The following GPR155 variants were observed in gnomAD, a reference collection of about 807,000 sequenced individuals.
GPR155 encodes lysosomal cholesterol signaling protein.
In GPR155, 65 loss-of-function variants were observed where a neutral mutation model predicts 93.1. That is an observed-to-expected ratio of 0.70 (90% CI 0.57 to 0.86). GPR155 has a LOEUF of 0.86. Among genes scored for constraint, GPR155 ranks in the 40% least tolerant of loss-of-function variants. GPR155 has a pLI of 0.00. For missense variants in GPR155, 838 were observed against 1,034.8 expected (o/e 0.81, Z 2.61); for synonymous variants, 319 against 360.1 (o/e 0.89, Z 1.29).
intron 10 of GPR155, among the ~76,000 whole-genome samples, chr2:174,458,415 C>A (rs970813805): frequency 5.3e-5 from 8 of 152,116 alleles, no homozygotes; most frequent in Non-Finnish European, 1.2e-4. Flanking sequence ...CATTATCTTC[C>A]CCTACATATT....
At chr2:174,477,837 T>C (rs969826312) in intron 2 of GPR155, among the ~76,000 whole-genome samples, 3 of 152,226 alleles carry the variant, frequency 2.0e-5, no homozygotes, top group Admixed American at 6.5e-5. Flanking sequence ...GGAGTTATTA[T>C]ATAGCTTTGA....
At chr2:174,442,063 A>G in intron 14 of GPR155, 56 bp downstream of exon 14, 3 of 921,862 alleles carry the variant, frequency 3.3e-6, no homozygotes, top group South Asian at 1.3e-5. Context: ...GTATCTTAAT[A>G]TAATGGCTTT....
intron 12 of GPR155, among the ~76,000 whole-genome samples, chr2:174,445,683 A>G (rs1465020790): frequency 6.6e-6 from 1 of 152,184 alleles, no homozygotes; most frequent in African/African-American, 2.4e-5. Flanking sequence ...CACTTGAACC[A>G]TCTCAAAGAA....
chr2:174,471,033 G>T (rs1574729845), intron 3 of GPR155, among the ~76,000 whole-genome samples: 1 of 144,554 alleles, frequency 6.9e-6, no homozygotes, highest in East Asian at 2.0e-4. Flanking sequence ...AAAAAAAAAA[G>T]CTGAACTTTA....
Position 174,440,026 on chromosome 2 carries a change from G to C in GPR155, c.2184C>G (p.Phe728Leu). ...CTGCTGTGTCTTTATTGTTCCATAG[G>C]AATTCAAGTCTGAAAATCAAATTTA... ...IILPFKRRLEFLWNNKDTAEN... is the reference protein window; with the variant it reads ...IILPFKRRLELLWNNKDTAEN... The change falls in exon 15 of 16, where the codon TTC becomes TTG. Residue 728 changes from phenylalanine to leucine, a missense_variant. Around this residue, in one of 3 missense-constraint regions of GPR155, gnomAD observed 146 missense variants for 177.5 expected, o/e 0.82. Transcript: ENST00000392552. The C allele has an allele frequency of 6.2e-7, 1 of 1,605,532 alleles. No homozygotes were observed. The highest frequency in any genetic ancestry group is 1.1e-5 in the South Asian group (1 of 89,082).
At chr2:174,444,791 C>T (rs538685185) in intron 13 of GPR155, among the ~76,000 whole-genome samples, 1 of 152,066 alleles carries the variant, frequency 6.6e-6, no homozygotes, top group South Asian at 2.1e-4. Context: ...CCAATGAGCC[C>T]GGTCCCAATG....
In GPR155 at chr2:174,435,992, T is replaced by G. The variant is rs1407622699; in HGVS notation, c.*124A>C. 4.2e-6 allele frequency: 3 copies of G among 712,662 alleles called. No individual in the cohort carries two copies. The highest frequency in any genetic ancestry group is 7.2e-6 in the Non-Finnish European group (3 of 416,060). 44.1% of individuals were successfully genotyped at this position (712,662 alleles called of 1,614,324 possible). A position where few individuals can be genotyped will look rare whatever the true frequency, so the allele number is the denominator to read the frequency against. On this transcript the variant is annotated 3_prime_UTR_variant, in exon 16 of 16. Coordinates refer to ENST00000392552, the MANE Select transcript of GPR155 (RefSeq NM_152529.7). ...TGGTGGGAGCACATCTTTTCACATT[T>G]TACAGAAGAGACAACTGAGGCTCAG...
chr2:174,473,538 A>G (rs949111802), intron 2 of GPR155, among the ~76,000 whole-genome samples, 174 bp from the exon 3 acceptor site: 4 of 152,348 alleles, frequency 2.6e-5, no homozygotes, highest in East Asian at 1.9e-4. Flanking sequence ...AAAGAAAAAC[A>G]TAATAAATAT....
intron 13 of GPR155, among the ~76,000 whole-genome samples, chr2:174,443,455 C>T (rs1048006743): frequency 3.3e-5 from 5 of 152,246 alleles, no homozygotes; most frequent in East Asian, 1.9e-4. Flanking sequence ...GGGCTGGGTG[C>T]GGTGGCCCAT....
rs1686688634 is a variant in GPR155, at chr2:174,433,299, T to C, written c.*2817A>G. The C allele has an allele frequency of 6.6e-6, 1 of 152,192 alleles. No homozygotes were observed. The allele number at this position is 152,192 out of a possible 1,614,324, so 9.4% of individuals were successfully genotyped here. ...GAAGATAAAGTTTACCTGAAGATGC[T>C]ATGGTCTAAATGTCTGTGTCCTCCT... On this transcript the variant is annotated 3_prime_UTR_variant, in exon 16 of 16. Coordinates refer to ENST00000392552, the MANE Select transcript of GPR155 (RefSeq NM_152529.7).
Position 174,472,950 on chromosome 2 carries a change from A to G in GPR155, c.860+15T>C, listed in dbSNP as rs775533527. The stretch of plus-strand genomic sequence containing the variant: ...TCAAAAAGTACAATTCTCAAGTTAA[A>G]TAAGTGATGCTTACAGTTTAGCTGT... On this transcript the variant is annotated intron_variant, in intron 3 of 15. Coordinates refer to ENST00000392552, the MANE Select transcript of GPR155 (RefSeq NM_152529.7). 221 of 1,569,850 alleles carry G rather than the reference A, an allele frequency of 1.4e-4. No individual in the cohort carries two copies. Among genetic ancestry groups the G allele is most frequent in the Non-Finnish European group, 1.8e-4 (211 of 1,167,302 alleles).
intron 2 of GPR155, among the ~76,000 whole-genome samples, chr2:174,474,580 A>G (rs1688089867): frequency 6.6e-6 from 1 of 151,692 alleles, no homozygotes; most frequent in African/African-American, 2.4e-5. Context: ...TTGAAGAACA[A>G]TGCTAGCTAA....
chr2:174,484,019 T>A (rs1688403532), intron 1 of GPR155, among the ~76,000 whole-genome samples: 1 of 152,206 alleles, frequency 6.6e-6, no homozygotes, highest in Non-Finnish European at 1.5e-5. Flanking sequence ...TATATCACAT[T>A]AAAAAGACTT....
chr2:174,445,048 A>G, intron 13 of GPR155, 33 bp downstream of exon 13: 1 of 1,099,204 alleles, frequency 9.1e-7, no homozygotes, highest in East Asian at 2.4e-5. Context: ...CCAGGAAGAC[A>G]AAAACCCCTC....
At chr2:174,461,267 T>TA in intron 9 of GPR155, 135 bp downstream of exon 9, 1 of 626,088 alleles carries the variant, frequency 1.6e-6, no homozygotes, top group Non-Finnish European at 2.8e-6. Flanking sequence ...GACAAAGTGA[T>TA]ATAGGATCAC....
At position 174,435,202 on chromosome 2, in the gene GPR155, A is replaced by G. The variant is rs1250039164; in HGVS notation, c.*914T>C. Reference sequence around the variant, plus strand: ...ATTCGTATTATTTATAGTACAGTTGACCCTCCATATGCACAGGTTCCACAT... The same window carrying G: ...ATTCGTATTATTTATAGTACAGTTGGCCCTCCATATGCACAGGTTCCACAT... On this transcript the variant is annotated 3_prime_UTR_variant, in exon 16 of 16. Transcript: ENST00000392552. 6.6e-6 allele frequency: 1 copy of G among 152,106 alleles called. No individual in the cohort carries two copies. The highest frequency in any genetic ancestry group is 1.5e-5 in the Non-Finnish European group (1 of 68,014). 9.4% of individuals were successfully genotyped at this position (152,106 alleles called of 1,614,324 possible).
At chr2:174,483,654 G>C (rs1198312425) in intron 1 of GPR155, among the ~76,000 whole-genome samples, 4 of 151,650 alleles carry the variant, frequency 2.6e-5, no homozygotes, top group African/African-American at 4.9e-5. Flanking sequence ...GCGTGATTGC[G>C]GCTCACCTCA....
At chr2:174,448,263 C>A (rs913214547) in intron 11 of GPR155, among the ~76,000 whole-genome samples, 17 of 152,194 alleles carry the variant, frequency 1.1e-4, no homozygotes, top group African/African-American at 4.1e-4. Context: ...GTAATCCCAG[C>A]TATTTGGGAG....
chr2:174,449,852 T>C (rs1687264896), intron 11 of GPR155, among the ~76,000 whole-genome samples: 1 of 152,160 alleles, frequency 6.6e-6, no homozygotes, highest in South Asian at 2.1e-4. Flanking sequence ...GGCAGGTGCC[T>C]GTAGTCCCAG....
Sources: allele counts gnomAD v4.1 joint callset (sites outside exome capture counted in the v4.1 genomes callset), GRCh38; gene constraint gnomAD v4.1.1; regional missense constraint gnomAD v4.1.1; transcripts MANE v1.5; gene names NCBI Gene and HGNC (gene_info 2026-07-23, HGNC 2026-07-21).